PSMD1: variants seen among roughly 807,000 people sequenced by gnomAD.
The protein encoded by PSMD1 is proteasome 26S subunit, non-ATPase 1.
A neutral mutation model predicts 119.0 loss-of-function variants in PSMD1; 18 were observed. The observed-to-expected ratio is 0.15, with a 90% confidence interval of 0.10 to 0.22. PSMD1 has a LOEUF of 0.22. Among genes scored for constraint, PSMD1 ranks in the 10% least tolerant of loss-of-function variants. The pLI, the probability that PSMD1 is intolerant of heterozygous loss-of-function variation, is 1.00. For missense variants in PSMD1, 702 were observed against 1,158.5 expected (o/e 0.61, Z 5.72); for synonymous variants, 374 against 396.6 (o/e 0.94, Z 0.68).
chr2:231,151,355 A>G (rs984997427), intron 18 of PSMD1, among the ~76,000 whole-genome samples: 1 of 152,138 alleles, frequency 6.6e-6, no homozygotes, highest in African/African-American at 2.4e-5. Context: ...GATGGTCTCA[A>G]AGCTGACTTC....
At chr2:231,161,269 T>A in intron 19 of PSMD1, 71 bp from the exon 20 acceptor site, 2 of 1,249,170 alleles carry the variant, frequency 1.6e-6, no homozygotes, top group Non-Finnish European at 2.2e-6. Context: ...AAGAAAGATA[T>A]CGTTATTATT....
chr2:231,153,308 A>T (rs1035304539), intron 18 of PSMD1, among the ~76,000 whole-genome samples: 2 of 152,064 alleles, frequency 1.3e-5, no homozygotes, highest in Non-Finnish European at 2.9e-5. Flanking sequence ...ATCGCATTCA[A>T]CATTCCTTTG....
At chr2:231,151,655 TC>T (rs1696378396) in intron 18 of PSMD1, among the ~76,000 whole-genome samples, 1 of 152,182 alleles carries the variant, frequency 6.6e-6, no homozygotes, top group Non-Finnish European at 1.5e-5. Flanking sequence ...GTTCTATGTT[TC>T]TTTTTATAAC....
At chr2:231,112,482 C>T (rs1373675228) in intron 16 of PSMD1, among the ~76,000 whole-genome samples, 1 of 152,200 alleles carries the variant, frequency 6.6e-6, no homozygotes, top group Non-Finnish European at 1.5e-5. Flanking sequence ...AGATCAAGCC[C>T]TTATATCATC....
intron 5 of PSMD1, 130 bp downstream of exon 5, chr2:231,067,241 A>T: frequency 1.5e-6 from 1 of 672,846 alleles, no homozygotes; most frequent in Non-Finnish European, 2.4e-6. Context: ...CTTTTGCCAA[A>T]TATTTTATTT....
intron 17 of PSMD1, among the ~76,000 whole-genome samples, chr2:231,140,173 A>G (rs1696071251): frequency 6.6e-6 from 1 of 152,054 alleles, no homozygotes; most frequent in African/African-American, 2.4e-5. Flanking sequence ...AAAATTTTAG[A>G]TTCCTTGAAT....
intron 16 of PSMD1, chr2:231,125,247 T>C (rs1428097489): frequency 2.0e-5 from 3 of 152,362 alleles, no homozygotes; most frequent in East Asian, 1.9e-4. Context: ...ATTCAAGTTA[T>C]ATTTTTAAGA....
chr2:231,158,451 G>T (rs1279831716), intron 19 of PSMD1, among the ~76,000 whole-genome samples: 5 of 152,202 alleles, frequency 3.3e-5, no homozygotes, highest in African/African-American at 4.8e-5. Context: ...TAAAGAAGTT[G>T]ATTGAAGTTT....
chr2:231,058,998 T>G (rs1255181831), intron 1 of PSMD1, among the ~76,000 whole-genome samples: 1 of 152,194 alleles, frequency 6.6e-6, no homozygotes, highest in Non-Finnish European at 1.5e-5. Flanking sequence ...AAGCTTGTTT[T>G]CACAATTCTA....
At chr2:231,075,780 G>A (rs1016519349) in intron 8 of PSMD1, among the ~76,000 whole-genome samples, 6 of 152,044 alleles carry the variant, frequency 3.9e-5, no homozygotes, top group Admixed American at 2.0e-4. Context: ...GACAGGGTTC[G>A]CTGTGTTGCC....
intron 16 of PSMD1, chr2:231,108,482 CTCA>C: frequency 2.0e-6 from 3 of 1,490,360 alleles, no homozygotes; most frequent in Non-Finnish European, 2.8e-6. Context: ...CATCATCTTA[CTCA>C]TCATTATGTT....
intron 16 of PSMD1, chr2:231,113,655 A>G: frequency 7.6e-7 from 1 of 1,317,570 alleles, no homozygotes. Flanking sequence ...ATTGCCTACC[A>G]GACCTGGTAT....
intron 12 of PSMD1, among the ~76,000 whole-genome samples, chr2:231,082,516 C>A (rs1229160391): frequency 1.3e-5 from 2 of 152,134 alleles, no homozygotes; most frequent in Admixed American, 6.6e-5. Flanking sequence ...ACCAGCCTGG[C>A]CAACATGATG....
Position 231,150,456 on chromosome 2 carries a change from A to T in PSMD1, c.2116-3108A>T, listed in dbSNP as rs1416802450. Among the ~76,000 whole-genome samples, 3 of 152,066 alleles carry T rather than the reference A, an allele frequency of 2.0e-5. No homozygotes were observed. In the East Asian group the frequency reaches 5.8e-4, roughly 29 times the overall value. ...TATAGAGACATATATATATGTGCGT[A>T]TGTGTGTTTATAGCCCTTTATCTAC... On this transcript the variant is annotated intron_variant, in intron 18 of 24. Transcript: ENST00000308696.
intron 22 of PSMD1, among the ~76,000 whole-genome samples, 183 bp downstream of exon 22, chr2:231,165,469 G>A (rs1219600793): frequency 1.3e-5 from 2 of 152,082 alleles, no homozygotes; most frequent in Non-Finnish European, 1.5e-5. Flanking sequence ...CCATTTGTGG[G>A]AAGAATAGAA....
chr2:231,070,770 CTG>C (rs1694024110), intron 6 of PSMD1, among the ~76,000 whole-genome samples: 1 of 151,992 alleles, frequency 6.6e-6, no homozygotes, highest in African/African-American at 2.4e-5. Context: ...CTTTTAATGA[CTG>C]TATTGTATTT....
At chr2:231,104,853 T>C (rs1694943088) in intron 16 of PSMD1, among the ~76,000 whole-genome samples, 1 of 152,174 alleles carries the variant, frequency 6.6e-6, no homozygotes, top group South Asian at 2.1e-4. Context: ...CTAAGACTGG[T>C]ACATGTTTTC....
chr2:231,079,631 A>G lies in PSMD1; in HGVS notation c.1239+17A>G, dbSNP rs767109605. The G allele has an allele frequency of 1.2e-5, 18 of 1,501,454 alleles. No homozygotes were observed. Among genetic ancestry groups the G allele is most frequent in the Non-Finnish European group, 1.6e-5 (18 of 1,101,746 alleles). 93.0% of individuals were successfully genotyped at this position (1,501,454 alleles called of 1,614,324 possible). ...ATTCATAAGGTAATATATATTGGTCAGTGTATACAGGCATCAGAAAAGAAG... is the reference window on the plus strand; with the variant it reads ...ATTCATAAGGTAATATATATTGGTCGGTGTATACAGGCATCAGAAAAGAAG... On this transcript the variant is annotated intron_variant, in intron 11 of 24. Transcript: ENST00000308696.
chr2:231,146,135 G>A (rs1696246688), intron 17 of PSMD1, 105 bp from the exon 18 acceptor site: 4 of 729,824 alleles, frequency 5.5e-6, no homozygotes, highest in Non-Finnish European at 9.7e-6. Context: ...CATATATGCA[G>A]TGTGTCACTT....
Sources: allele counts gnomAD v4.1 joint callset (sites outside exome capture counted in the v4.1 genomes callset), GRCh38; gene constraint gnomAD v4.1.1; transcripts MANE v1.5; gene names NCBI Gene and HGNC (gene_info 2026-07-23, HGNC 2026-07-21).